The following SMAP2 variants were observed in gnomAD, a reference collection of about 807,000 sequenced individuals.
SMAP2 encodes stromal membrane-associated protein 2.
SMAP2 carries 25 observed loss-of-function variants against 56.4 expected under a neutral mutation model. That is an observed-to-expected ratio of 0.44 (90% confidence interval 0.32 to 0.62). The LOEUF is 0.62. Among genes scored for constraint, SMAP2 ranks in the 20% least tolerant of loss-of-function variants. The pLI is 0.04. For missense variants in SMAP2, 388 were observed against 545.6 expected, an observed-to-expected ratio of 0.71 and a Z score of 2.88; for synonymous variants, 157 against 181.7, an observed-to-expected ratio of 0.86 and a Z score of 1.09.
At position 40,394,221 on chromosome 1, in the gene SMAP2, C is replaced by T. The variant is rs141863507; in HGVS notation, c.104-12515C>T. Among the ~76,000 whole-genome samples, 763 of 152,218 alleles carry T rather than the reference C, an allele frequency of 5.0e-3. 6 individuals are homozygous for T. Among genetic ancestry groups the T allele is most frequent in the Non-Finnish European group, 5.2e-3 (356 of 68,016 alleles). ...TACCATTTCCCTCAGAAGTTGTTCT[C>T]CTCTTATGCGGTGTGTTTAGGTGTT... On this transcript the variant is annotated intron_variant, in intron 1 of 9. Transcript: ENST00000372718.
At chr1:40,389,003 C>A (rs1009348417) in intron 1 of SMAP2, among the ~76,000 whole-genome samples, 2 of 151,896 alleles carry the variant, frequency 1.3e-5, no homozygotes, top group African/African-American at 4.8e-5. Context: ...AGACCACGAA[C>A]CCCACCAGAA....
chr1:40,402,687 A>G (rs1412476292), intron 1 of SMAP2, among the ~76,000 whole-genome samples: 1 of 152,022 alleles, frequency 6.6e-6, no homozygotes, highest in Non-Finnish European at 1.5e-5. Context: ...TTTTGTACCC[A>G]TTAATCAACC....
At chr1:40,383,997 A>G (rs530426224) in intron 1 of SMAP2, among the ~76,000 whole-genome samples, 1 of 152,186 alleles carries the variant, frequency 6.6e-6, no homozygotes, top group African/African-American at 2.4e-5. Context: ...CCCGGGTTCA[A>G]GTGATTCTCA....
intron 1 of SMAP2, among the ~76,000 whole-genome samples, chr1:40,356,030 C>T (rs989423733): frequency 6.6e-6 from 1 of 152,176 alleles, no homozygotes; most frequent in Non-Finnish European, 1.5e-5. Flanking sequence ...TCTCTGTCTC[C>T]ATGAGTTCAG....
At chr1:40,393,459 T>C (rs1644737133) in intron 1 of SMAP2, 2 of 1,535,586 alleles carry the variant, frequency 1.3e-6, no homozygotes. Context: ...AAAAGATGTT[T>C]TGCAAATAGA....
At chr1:40,394,505 A>G (rs1014621835) in intron 1 of SMAP2, among the ~76,000 whole-genome samples, 3 of 152,198 alleles carry the variant, frequency 2.0e-5, no homozygotes, top group African/African-American at 4.8e-5. Context: ...GGCTTATGCA[A>G]TCAGTCTCAT....
At chr1:40,413,982 C>T (rs938885503) in intron 5 of SMAP2, 177 bp from the exon 6 acceptor site, 2 of 587,934 alleles carry the variant, frequency 3.4e-6, no homozygotes, top group African/African-American at 1.9e-5. Flanking sequence ...TTGGTTTATG[C>T]ACTTCTGCCT....
intron 1 of SMAP2, among the ~76,000 whole-genome samples, chr1:40,401,458 T>C (rs1243742706): frequency 6.6e-6 from 1 of 152,218 alleles, no homozygotes. Flanking sequence ...CAGGTCTAAA[T>C]ATAGGTAGCC....
At chr1:40,376,454 A>C (rs1290012228) in intron 1 of SMAP2, among the ~76,000 whole-genome samples, 1 of 152,184 alleles carries the variant, frequency 6.6e-6, no homozygotes, top group East Asian at 1.9e-4. Context: ...ATTGTATTAA[A>C]AATGAGATGA....
upstream of SMAP2, among the ~76,000 whole-genome samples, chr1:40,370,743 T>G (rs1644492844): frequency 2.4e-5 from 3 of 122,910 alleles, no homozygotes; most frequent in African/African-American, 3.3e-5. Flanking sequence ...CATTGGGAGA[T>G]ATACCTAATG....
intron 2 of SMAP2, among the ~76,000 whole-genome samples, chr1:40,365,509 T>G (rs568424359): frequency 3.2e-4 from 49 of 152,180 alleles, no homozygotes; most frequent in African/African-American, 1.1e-3. Context: ...GATAGAAAAT[T>G]CTATAACTGG....
At chr1:40,370,856 TAAAA>T (rs57519270), upstream of SMAP2, among the ~76,000 whole-genome samples, 8 of 132,514 alleles carry the variant, frequency 6.0e-5, no homozygotes, top group African/African-American at 2.1e-4. Context: ...TAAAGTATAA[TAAAA>T]AAAAAAAAAA....
At chr1:40,345,573 T>C (rs10889291) in intron 1 of SMAP2, among the ~76,000 whole-genome samples, 129,553 of 151,818 alleles carry the variant, frequency 0.85, 55,765 homozygotes, top group African/African-American at 0.96. Flanking sequence ...GCAATCCTCC[T>C]ACCTCAGCCT....
intron 9 of SMAP2, among the ~76,000 whole-genome samples, chr1:40,419,284 T>A (rs1266095183): frequency 1.3e-5 from 2 of 148,628 alleles, no homozygotes; most frequent in African/African-American, 4.9e-5. Context: ...TCCTTTCTTT[T>A]TTTTTTTTTT....
chr1:40,415,903 G>T (rs915392937), intron 7 of SMAP2, among the ~76,000 whole-genome samples: 1 of 152,174 alleles, frequency 6.6e-6, no homozygotes, highest in Non-Finnish European at 1.5e-5. Flanking sequence ...CTACACTGGG[G>T]TCTAAACTCA....
upstream of SMAP2, among the ~76,000 whole-genome samples, chr1:40,372,317 G>A (rs1198429539): frequency 6.6e-6 from 1 of 152,078 alleles, no homozygotes; most frequent in Non-Finnish European, 1.5e-5. Context: ...GGGGTACATT[G>A]GGGGTTGGAG....
chr1:40,416,158 C>A lies in SMAP2; in HGVS notation c.682-18C>A. On this transcript the variant is annotated intron_variant, in intron 7 of 9. Transcript: ENST00000372718. ...ATGAGAACCATTTCAATTCTCCCCC[C>A]GCCCTCTTTGCCCTAAGGTTGTAGG... 1 of 1,609,768 alleles carries A rather than the reference C, an allele frequency of 6.2e-7. No individual in the cohort carries two copies. The highest frequency in any genetic ancestry group is 1.1e-5 in the South Asian group (1 of 90,488).
At position 40,374,978 on chromosome 1, in the gene SMAP2, C is replaced by A; in HGVS notation, c.103+755C>A. On this transcript the variant is annotated intron_variant, in intron 1 of 9. Transcript: ENST00000372718. The surrounding 1 kb of genome is among the most constrained non-coding windows in gnomAD (Gnocchi z 5.9). The stretch of plus-strand genomic sequence containing the variant: ...ATCAGTGGAGAGAGAAAGATGAATT[C>A]GATGAATTCATTGCTTCCATGGCGA... 1.0e-6 allele frequency: 1 copy of A among 985,214 alleles called. No homozygotes were observed. 61.0% of individuals were successfully genotyped at this position (985,214 alleles called of 1,614,324 possible). A position where few individuals can be genotyped will look rare whatever the true frequency, so the allele number is the denominator to read the frequency against.
chr1:40,378,889 G>T (rs1219219961), intron 1 of SMAP2, among the ~76,000 whole-genome samples: 3 of 151,986 alleles, frequency 2.0e-5, no homozygotes, highest in Admixed American at 1.3e-4. Flanking sequence ...GAATATGTAC[G>T]GTATAAAATC....
Sources: allele counts gnomAD v4.1 joint callset (sites outside exome capture counted in the v4.1 genomes callset), GRCh38; gene constraint gnomAD v4.1.1; non-coding constraint Gnocchi (gnomAD v3.1); transcripts MANE v1.5; gene names NCBI Gene and HGNC (gene_info 2026-07-23, HGNC 2026-07-21).